RGS7BP: variants seen among roughly 807,000 people sequenced by gnomAD.
The protein encoded by RGS7BP is regulator of G protein signaling 7 binding protein, also known as regulator of G protein signaling 7-binding protein.
Under a neutral mutation model 31.3 loss-of-function variants are expected in RGS7BP, and 9 were observed. The ratio of observed to expected loss-of-function variants is 0.29; its 90% CI spans 0.17 to 0.50. The LOEUF (loss-of-function observed/expected upper bound fraction) is 0.50, where lower values mean the gene tolerates loss of function less well. RGS7BP is among the 20% of genes least tolerant of loss of function. The pLI is 0.98. For missense variants in RGS7BP, 274 were observed against 322.0 expected (o/e 0.85, Z 1.14); for synonymous variants, 115 against 120.1 (o/e 0.96, Z 0.28).
In RGS7BP at chr5:64,568,316, G is replaced by C. The variant is rs148476927; in HGVS notation, c.333-7458G>C. Among the ~76,000 whole-genome samples, 838 of 152,008 alleles carry C rather than the reference G, an allele frequency of 5.5e-3. 6 individuals carry two copies. Among genetic ancestry groups the C allele is most frequent in the Non-Finnish European group, 9.9e-3 (672 of 67,962 alleles). On this transcript the variant is annotated intron_variant, in intron 2 of 5. Coordinates refer to ENST00000334025, the MANE Select transcript of RGS7BP (RefSeq NM_001029875.3). ...AGACCTTATAAGACTAAGACCTAAA[G>C]AGCTGTTTGCCCAACCGGAAACCAT...
intron 2 of RGS7BP, among the ~76,000 whole-genome samples, chr5:64,523,153 G>A (rs1053049021): frequency 6.6e-6 from 1 of 152,204 alleles, no homozygotes; most frequent in Non-Finnish European, 1.5e-5. Context: ...GAGGGAGTGT[G>A]CATTTCAAGG....
At chr5:64,534,324 C>A (rs1749451038) in intron 2 of RGS7BP, among the ~76,000 whole-genome samples, 2 of 152,070 alleles carry the variant, frequency 1.3e-5, no homozygotes, top group African/African-American at 2.4e-5. Flanking sequence ...CCTGTCAGGG[C>A]CTCGCTAGGT....
intron 3 of RGS7BP, among the ~76,000 whole-genome samples, chr5:64,577,856 C>G (rs1250165839): frequency 2.0e-5 from 3 of 152,144 alleles, no homozygotes; most frequent in Non-Finnish European, 4.4e-5. Flanking sequence ...ATTCCCAGGT[C>G]TGCATTGGCT....
At chr5:64,525,045 C>G (rs1749197251) in intron 2 of RGS7BP, among the ~76,000 whole-genome samples, 1 of 152,110 alleles carries the variant, frequency 6.6e-6, no homozygotes, top group South Asian at 2.1e-4. Flanking sequence ...TCTACTCCAT[C>G]TCATCAAGGT....
At position 64,610,022 on chromosome 5, in the gene RGS7BP, T is replaced by C. The variant is rs528834019; in HGVS notation, c.*770T>C. 80 of 152,586 alleles carry C rather than the reference T, an allele frequency of 5.2e-4. 1 individual carries two copies. The highest frequency in any genetic ancestry group is 1.8e-3 in the African/African-American group (76 of 41,570). The allele number at this position is 152,586 out of a possible 1,614,324, so 9.5% of individuals were successfully genotyped here. ...AGTTAGGAAATGGTGTAGTAACATA[T>C]ACAATTGCCCTCAAATGTAAAATCA... On this transcript the variant is annotated 3_prime_UTR_variant, in exon 6 of 6. Coordinates refer to ENST00000334025, the MANE Select transcript of RGS7BP (RefSeq NM_001029875.3).
intron 3 of RGS7BP, among the ~76,000 whole-genome samples, chr5:64,584,739 T>C (rs1039829870): frequency 6.6e-6 from 1 of 152,206 alleles, no homozygotes; most frequent in Non-Finnish European, 1.5e-5. Context: ...GTATCTCTTC[T>C]GAACTGGAAA....
intron 2 of RGS7BP, among the ~76,000 whole-genome samples, chr5:64,564,314 C>A (rs3797051): frequency 6.6e-6 from 1 of 152,014 alleles, no homozygotes; most frequent in Non-Finnish European, 1.5e-5. Context: ...AAGCCAACTA[C>A]ACAGTTTCAA....
intron 2 of RGS7BP, among the ~76,000 whole-genome samples, chr5:64,541,470 C>T (rs1433807210): frequency 2.0e-5 from 3 of 152,320 alleles, no homozygotes; most frequent in South Asian, 2.1e-4. Flanking sequence ...GGTGAGCTCA[C>T]GTACCCTGCA....
At chr5:64,603,513 C>T (rs987833338) in intron 5 of RGS7BP, among the ~76,000 whole-genome samples, 5 of 151,918 alleles carry the variant, frequency 3.3e-5, no homozygotes, top group African/African-American at 1.2e-4. Context: ...TCCTGGAATA[C>T]CAAAATGGAA....
chr5:64,586,677 T>C (rs1742763065), intron 3 of RGS7BP, among the ~76,000 whole-genome samples: 1 of 152,234 alleles, frequency 6.6e-6, no homozygotes, highest in Non-Finnish European at 1.5e-5. Context: ...CATGAGTATG[T>C]TCACCGTTGT....
At chr5:64,544,863 A>G (rs1741613171) in intron 2 of RGS7BP, among the ~76,000 whole-genome samples, 1 of 152,138 alleles carries the variant, frequency 6.6e-6, no homozygotes, top group Non-Finnish European at 1.5e-5. Flanking sequence ...AGCAGGAACC[A>G]TGTTGTAAGA....
chr5:64,544,790 G>T (rs1263614575), intron 2 of RGS7BP, among the ~76,000 whole-genome samples: 1 of 152,188 alleles, frequency 6.6e-6, no homozygotes, highest in Non-Finnish European at 1.5e-5. Context: ...ATAAATCATG[G>T]TATATTGAAT....
At chr5:64,525,405 G>C (rs1749207674) in intron 2 of RGS7BP, among the ~76,000 whole-genome samples, 1 of 152,190 alleles carries the variant, frequency 6.6e-6, no homozygotes, top group East Asian at 1.9e-4. Context: ...TTCAACTTTA[G>C]AGCTAAAGGT....
chr5:64,588,699 TC>T (rs1259122957), intron 3 of RGS7BP, among the ~76,000 whole-genome samples: 1 of 152,142 alleles, frequency 6.6e-6, no homozygotes, highest in Non-Finnish European at 1.5e-5. Flanking sequence ...TTTTCACAGT[TC>T]TTAACATTAT....
chr5:64,539,111 G>A (rs754553522), intron 2 of RGS7BP, among the ~76,000 whole-genome samples: 2 of 151,904 alleles, frequency 1.3e-5, no homozygotes, highest in African/African-American at 2.4e-5. Flanking sequence ...TTTAATTTGC[G>A]TTCCCCTAAT....
At chr5:64,514,660 C>T (rs1748923973) in intron 2 of RGS7BP, among the ~76,000 whole-genome samples, 1 of 152,116 alleles carries the variant, frequency 6.6e-6, no homozygotes, top group Admixed American at 6.5e-5. Context: ...AACCAAAACC[C>T]AGCTACAAGA....
intron 2 of RGS7BP, among the ~76,000 whole-genome samples, chr5:64,575,030 GTT>G (rs984535198): frequency 1.3e-5 from 2 of 151,932 alleles, no homozygotes; most frequent in East Asian, 3.9e-4. Context: ...TTATCAACTA[GTT>G]TTTTTCCCCT....
chr5:64,513,266 C>T (rs148153372), intron 2 of RGS7BP, among the ~76,000 whole-genome samples: 1 of 152,234 alleles, frequency 6.6e-6, no homozygotes, highest in Non-Finnish European at 1.5e-5. Context: ...AGGTTTTTCC[C>T]TCCAGCAATG....
chr5:64,547,996 T>G (rs1741701210), intron 2 of RGS7BP, among the ~76,000 whole-genome samples: 1 of 152,142 alleles, frequency 6.6e-6, no homozygotes, highest in African/African-American at 2.4e-5. Context: ...CTTTTCCTCT[T>G]TGATGAAGTT....
Sources: gnomAD v4.1 joint callset for allele counts (sites outside exome capture counted in the v4.1 genomes callset) on GRCh38, gnomAD v4.1.1 for gene constraint, MANE v1.5 for transcripts, NCBI Gene and HGNC (gene_info 2026-07-23, HGNC 2026-07-21) for gene names.